Variants in PDE8B observed in about 807,000 individuals in gnomAD.
PDE8B encodes the protein high affinity cAMP-specific and IBMX-insensitive 3',5'-cyclic phosphodiesterase 8B.
In PDE8B, 26 loss-of-function variants were observed where a neutral mutation model predicts 101.3. That is an observed-to-expected ratio of 0.26 (90% CI 0.19 to 0.36). The LOEUF is 0.36. Ranked by LOEUF, PDE8B falls within the 10% of genes least tolerant of loss-of-function variation. The probability of loss-of-function intolerance (pLI) is 1.00; values close to 1 mark genes in which losing one functional copy is unlikely to be tolerated. For synonymous variants in PDE8B, 424 were observed against 429.3 expected, an observed-to-expected ratio of 0.99 and a Z score of 0.15; for missense variants, 810 against 1,163.1, an observed-to-expected ratio of 0.70 and a Z score of 4.42.
intron 12 of PDE8B, among the ~76,000 whole-genome samples, chr5:77,406,444 A>C (rs1247123183): frequency 1.3e-5 from 2 of 152,196 alleles, no homozygotes; most frequent in African/African-American, 4.8e-5. Flanking sequence ...GGATAGATAG[A>C]ATATTTTAGT....
At chr5:77,197,108 AC>A in the PDE8B span, among the ~76,000 whole-genome samples, 2 of 131,268 alleles carry the variant, frequency 1.5e-5, no homozygotes, top group South Asian at 2.4e-4. Context: ...TTTAAAAAAA[AC>A]TTTTTTTTTT....
chr5:77,337,853 T>A (rs1300932041), intron 6 of PDE8B, among the ~76,000 whole-genome samples: 1 of 152,226 alleles, frequency 6.6e-6, no homozygotes, highest in Non-Finnish European at 1.5e-5. Flanking sequence ...TCATTGGTGC[T>A]CAATTCCAGG....
the PDE8B span, among the ~76,000 whole-genome samples, chr5:77,089,959 TA>T: frequency 2.0e-5 from 3 of 152,116 alleles, no homozygotes; most frequent in Admixed American, 2.0e-4. Context: ...TATTCAGCCA[TA>T]AAAAAGAATG....
chr5:77,200,563 T>A, the PDE8B span, among the ~76,000 whole-genome samples: 5,578 of 152,094 alleles, frequency 0.037, 159 homozygotes, highest in African/African-American at 0.081. Context: ...GGCTTTTTTT[T>A]AAAAAATTTT....
Position 77,390,118 on chromosome 5 carries a change from G to A in PDE8B, c.1168-10130G>A, listed in dbSNP as rs547334072. On this transcript the variant is annotated intron_variant, in intron 10 of 21. Coordinates refer to ENST00000264917, the MANE Select transcript of PDE8B (RefSeq NM_003719.5). ...CTTCTTTTTAATTTTAGACATTCTG[G>A]TGGGTGTGTAGATAAATAGGATTTT... Among the ~76,000 whole-genome samples, 24 of 152,198 alleles carry A rather than the reference G, an allele frequency of 1.6e-4. No homozygotes were observed. The South Asian group carries it at 4.8e-3, about 30-fold the overall frequency.
At chr5:77,121,308 C>T in the PDE8B span, among the ~76,000 whole-genome samples, 1 of 152,170 alleles carries the variant, frequency 6.6e-6, no homozygotes, top group Non-Finnish European at 1.5e-5. Context: ...CCACATGGGC[C>T]TCACAGTAGG....
At chr5:77,206,533 C>T (rs140486613), upstream of PDE8B, among the ~76,000 whole-genome samples, 1 of 152,250 alleles carries the variant, frequency 6.6e-6, no homozygotes, top group East Asian at 1.9e-4. Flanking sequence ...TGAAGCTGCA[C>T]AACAGGCAGA....
At chr5:77,209,356 G>A (rs1366793515), upstream of PDE8B, among the ~76,000 whole-genome samples, 2 of 151,404 alleles carry the variant, frequency 1.3e-5, no homozygotes, top group African/African-American at 4.9e-5. Context: ...GAAGAAAAAG[G>A]AAAATAAGAA....
At chr5:77,333,399 A>C (rs1332892844) in intron 5 of PDE8B, among the ~76,000 whole-genome samples, 1 of 152,180 alleles carries the variant, frequency 6.6e-6, no homozygotes, top group Non-Finnish European at 1.5e-5. Context: ...CACAGGCTTC[A>C]TAGAACTTCT....
chr5:77,241,703 T>C (rs1755796287), intron 1 of PDE8B, among the ~76,000 whole-genome samples: 1 of 152,190 alleles, frequency 6.6e-6, no homozygotes, highest in Non-Finnish European at 1.5e-5. Context: ...TCTCATGAGA[T>C]CATGTGTTCT....
intron 1 of PDE8B, among the ~76,000 whole-genome samples, chr5:77,250,536 C>A (rs972374027): frequency 6.6e-6 from 1 of 152,180 alleles, no homozygotes; most frequent in African/African-American, 2.4e-5. Flanking sequence ...TTCTGGGGTG[C>A]CTTCCCTTCT....
At chr5:77,147,868 T>C in the PDE8B span, 2 of 152,102 alleles carry the variant, frequency 1.3e-5, no homozygotes, top group Admixed American at 6.5e-5. Context: ...GAAATGAAGA[T>C]CAGAAAAAGG....
chr5:77,296,288 G>C (rs935653685), intron 1 of PDE8B, among the ~76,000 whole-genome samples: 5 of 141,472 alleles, frequency 3.5e-5, no homozygotes, highest in Admixed American at 1.4e-4. Context: ...TCTTCTTCTT[G>C]TTTCACTCTG....
At chr5:77,090,495 G>A in the PDE8B span, among the ~76,000 whole-genome samples, 1 of 152,102 alleles carries the variant, frequency 6.6e-6, no homozygotes, top group East Asian at 1.9e-4. Context: ...GTATGGTCTC[G>A]ATCTCCTGAC....
chr5:77,210,861 AGCGGGTGCGCTGGGTCCCGGC>A lies in PDE8B; in HGVS notation c.-63_-43del. Reference sequence around the variant, plus strand: ...CGGCCGCCCCCTCACTGCAGGTGGCAGCGGGTGCGCTGGGTCCCGGCGGCCGCGGGCGCGGGCGGGCGCGCG... The same window carrying A: ...CGGCCGCCCCCTCACTGCAGGTGGCAGGCCGCGGGCGCGGGCGGGCGCGCG... On this transcript the variant is annotated 5_prime_UTR_variant, in exon 1 of 22. Transcript: ENST00000264917. This position sits in a 1 kb window ranked among gnomAD's most constrained non-coding sequence, Gnocchi z 4.9. 8.6e-7 allele frequency: 1 copy of A among 1,164,374 alleles called. No homozygotes were observed. Among genetic ancestry groups the A allele is most frequent in the Non-Finnish European group, 1.1e-6 (1 of 948,322 alleles). 72.1% of individuals were successfully genotyped at this position (1,164,374 alleles called of 1,614,324 possible).
At chr5:77,315,892 C>A (rs1773677856) in intron 2 of PDE8B, among the ~76,000 whole-genome samples, 2 of 151,848 alleles carry the variant, frequency 1.3e-5, no homozygotes, top group African/African-American at 4.8e-5. Flanking sequence ...TCCTAGTTAT[C>A]TTTTTCTGTT....
chr5:77,162,713 AG>A, the PDE8B span, among the ~76,000 whole-genome samples: 3 of 152,238 alleles, frequency 2.0e-5, no homozygotes, highest in Admixed American at 2.0e-4. Context: ...GAGAGAATGC[AG>A]AAATAGTGGT....
intron 1 of PDE8B, among the ~76,000 whole-genome samples, chr5:77,270,681 G>A (rs1259721252): frequency 6.6e-6 from 1 of 152,124 alleles, no homozygotes; most frequent in African/African-American, 2.4e-5. Context: ...TGATTTTTCC[G>A]GGCTCTTGTT....
At chr5:77,220,322 T>C (rs1750830904) in intron 1 of PDE8B, among the ~76,000 whole-genome samples, 1 of 152,194 alleles carries the variant, frequency 6.6e-6, no homozygotes, top group African/African-American at 2.4e-5. Flanking sequence ...CAAGGGAGTG[T>C]GATCCACTTA....
Sources: gnomAD v4.1 joint callset for allele counts (sites outside exome capture counted in the v4.1 genomes callset) on GRCh38, gnomAD v4.1.1 for gene constraint, Gnocchi (gnomAD v3.1) non-coding constraint, MANE v1.5 for transcripts, NCBI Gene and HGNC (gene_info 2026-07-23, HGNC 2026-07-21) for gene names.